CSMD1: variants seen among roughly 807,000 people sequenced by gnomAD.
CSMD1 encodes the protein CUB and Sushi multiple domains 1.
Under a neutral mutation model 417.5 loss-of-function variants are expected in CSMD1, and 213 were observed. The ratio of observed to expected loss-of-function variants is 0.51; its 90% CI spans 0.46 to 0.57. The LOEUF (loss-of-function observed/expected upper bound fraction) is 0.57, where lower values mean the gene tolerates loss of function less well. Among genes scored for constraint, CSMD1 ranks in the 20% least tolerant of loss-of-function variants. The pLI is 0.00. For missense variants in CSMD1, 6,923 were observed against 4,529.7 expected (o/e 1.53, Z -15.17); for synonymous variants, 2,862 against 1,736.8 (o/e 1.65, Z -16.11).
intron 3 of CSMD1, among the ~76,000 whole-genome samples, chr8:4,403,405 A>G (rs540439804): frequency 3.3e-5 from 5 of 152,234 alleles, no homozygotes; most frequent in African/African-American, 1.2e-4. Context: ...TCTCTTTTGA[A>G]CCACAGAAGT....
chr8:3,864,618 G>A (rs185074585), intron 5 of CSMD1, among the ~76,000 whole-genome samples: 2 of 152,074 alleles, frequency 1.3e-5, no homozygotes, highest in African/African-American at 4.8e-5. Context: ...TCCCTCCCCA[G>A]TAACCCCATC....
intron 7 of CSMD1, among the ~76,000 whole-genome samples, chr8:3,657,795 G>A (rs549752902): frequency 1.8e-3 from 273 of 152,200 alleles, no homozygotes; most frequent in Non-Finnish European, 3.2e-3. Context: ...GTATAACTAT[G>A]TAACAAACAT....
chr8:2,989,424 C>G (rs1806191122), intron 54 of CSMD1, among the ~76,000 whole-genome samples: 1 of 152,210 alleles, frequency 6.6e-6, no homozygotes, highest in Non-Finnish European at 1.5e-5. Context: ...CCAGGCACTT[C>G]TAATCAACAT....
chr8:3,724,022 C>G (rs1372926517), intron 6 of CSMD1, among the ~76,000 whole-genome samples: 1 of 52,332 alleles, frequency 1.9e-5, no homozygotes, highest in African/African-American at 3.5e-5. Flanking sequence ...AAATACGCCT[C>G]TCTTTTTCAA....
At chr8:4,325,226 C>G (rs1283736221) in intron 3 of CSMD1, among the ~76,000 whole-genome samples, 1 of 152,160 alleles carries the variant, frequency 6.6e-6, no homozygotes, top group East Asian at 1.9e-4. Flanking sequence ...CAGGGATTCC[C>G]CTGAACCAGG....
intron 12 of CSMD1, among the ~76,000 whole-genome samples, chr8:3,440,924 C>G (rs1457668617): frequency 6.6e-6 from 1 of 152,160 alleles, no homozygotes; most frequent in Non-Finnish European, 1.5e-5. Flanking sequence ...TCCCTTGTCC[C>G]CAGACGTGGT....
intron 3 of CSMD1, among the ~76,000 whole-genome samples, chr8:4,155,101 G>C (rs1796762949): frequency 6.6e-6 from 1 of 152,192 alleles, no homozygotes; most frequent in Non-Finnish European, 1.5e-5. Flanking sequence ...AATGCCTACA[G>C]TGGCCACATG....
At chr8:4,581,117 T>C (rs1563306095) in intron 2 of CSMD1, among the ~76,000 whole-genome samples, 1 of 152,158 alleles carries the variant, frequency 6.6e-6, no homozygotes, top group Non-Finnish European at 1.5e-5. Context: ...TAACTGAAAA[T>C]GAACGGTAGA....
intron 33 of CSMD1, among the ~76,000 whole-genome samples, chr8:3,197,198 C>G (rs1796748958): frequency 6.6e-6 from 1 of 152,140 alleles, no homozygotes; most frequent in Non-Finnish European, 1.5e-5. Context: ...GGGTGGGAAG[C>G]AGAAGGCTAG....
At chr8:3,194,841 T>C (rs1029891819) in intron 33 of CSMD1, among the ~76,000 whole-genome samples, 6 of 152,104 alleles carry the variant, frequency 3.9e-5, no homozygotes, top group South Asian at 2.1e-4. Context: ...AGAAGAAGCC[T>C]TGAGCTCCTG....
At chr8:4,103,507 T>C (rs1046167467) in intron 3 of CSMD1, among the ~76,000 whole-genome samples, 3 of 151,014 alleles carry the variant, frequency 2.0e-5, no homozygotes, top group East Asian at 3.9e-4. Flanking sequence ...AACATATAAA[T>C]ATATATAAAT....
chr8:3,525,695 T>C (rs1477073325), intron 10 of CSMD1, among the ~76,000 whole-genome samples: 1 of 152,192 alleles, frequency 6.6e-6, no homozygotes, highest in African/African-American at 2.4e-5. Context: ...TGTACCCAGC[T>C]TCCTATGAAC....
chr8:4,724,089 G>A (rs1809253419), intron 1 of CSMD1, among the ~76,000 whole-genome samples: 1 of 152,148 alleles, frequency 6.6e-6, no homozygotes, highest in Non-Finnish European at 1.5e-5. Context: ...ATGCACTTAA[G>A]TGAGCCATTG....
intron 3 of CSMD1, among the ~76,000 whole-genome samples, chr8:4,325,576 G>A (rs73660749): frequency 0.032 from 4,817 of 152,216 alleles, 243 homozygotes; most frequent in African/African-American, 0.11. Flanking sequence ...CTTTTCCGGT[G>A]AGGTAAGAAT....
intron 3 of CSMD1, among the ~76,000 whole-genome samples, chr8:4,293,810 C>T (rs1797514256): frequency 6.6e-6 from 1 of 152,160 alleles, no homozygotes; most frequent in Non-Finnish European, 1.5e-5. Flanking sequence ...AATGAACATG[C>T]ATTTCTAAGC....
At chr8:3,177,720 C>G (rs1457391286) in intron 37 of CSMD1, among the ~76,000 whole-genome samples, 2 of 152,048 alleles carry the variant, frequency 1.3e-5, no homozygotes, top group African/African-American at 4.8e-5. Flanking sequence ...CTTGTTGTTC[C>G]TCCCACCAGC....
chr8:4,774,385 A>T (rs1796742528), intron 1 of CSMD1, among the ~76,000 whole-genome samples: 1 of 152,114 alleles, frequency 6.6e-6, no homozygotes, highest in Non-Finnish European at 1.5e-5. Context: ...GCATTCTTGA[A>T]TCCCACCTCC....
intron 1 of CSMD1, among the ~76,000 whole-genome samples, chr8:4,793,018 A>T (rs922494179): frequency 6.6e-6 from 1 of 151,962 alleles, no homozygotes; most frequent in African/African-American, 2.4e-5. Context: ...CTCCACACAC[A>T]TACATAAGCC....
In CSMD1 at chr8:4,128,427, T is replaced by C. The variant is rs541341600; in HGVS notation, c.416-96328A>G. On this transcript the variant is annotated intron_variant, in intron 3 of 69. Transcript: ENST00000635120. ...ATCTGTGATGACTCTATTGGGAAAG[T>C]TGCAAGACAACTATGAATGCACATA... Among the ~76,000 whole-genome samples the C allele has an allele frequency of 8.5e-5, 13 of 152,304 alleles. No individual in the cohort carries two copies. In the South Asian group the frequency reaches 2.5e-3, roughly 29 times the overall value.
Sources: gnomAD v4.1 joint callset for allele counts (sites outside exome capture counted in the v4.1 genomes callset) on GRCh38, gnomAD v4.1.1 for gene constraint, MANE v1.5 for transcripts, NCBI Gene and HGNC (gene_info 2026-07-23, HGNC 2026-07-21) for gene names.